Variants in NDUFB10 observed in about 807,000 individuals in gnomAD.
NDUFB10 encodes NADH dehydrogenase [ubiquinone] 1 beta subcomplex subunit 10.
Under a neutral mutation model 19.0 loss-of-function variants are expected in NDUFB10, and 23 were observed. The observed-to-expected ratio is 1.21, with a 90% CI of 0.87 to 1.71. NDUFB10 has a LOEUF of 1.71. NDUFB10 is among the 40% of genes most tolerant of loss of function. The pLI is 0.00. For synonymous variants in NDUFB10, 104 were observed against 81.8 expected, an observed-to-expected ratio of 1.27 and a Z score of -1.46; for missense variants, 312 against 230.6, an observed-to-expected ratio of 1.35 and a Z score of -2.29.
chr16:1,961,769 T>TC, intron 3 of NDUFB10, 28 bp from the exon 4 acceptor site: 2 of 1,548,012 alleles, frequency 1.3e-6, no homozygotes, highest in South Asian at 2.4e-5. Context: ...AGGCCTCGGT[T>TC]CCCAGCTTGT....
At position 1,961,603 on chromosome 16, in the gene NDUFB10, T is replaced by A. The variant is rs1232141165; in HGVS notation, c.376T>A (p.Phe126Ile). 6.2e-7 allele frequency: 1 copy of A among 1,613,730 alleles called. No homozygotes were observed. The highest frequency in any genetic ancestry group is 1.3e-5 in the African/African-American group (1 of 74,898). ...QQNCIKEVEQ[F>I]TQVAKAYQDR... ...GAACTGTATCAAGGAAGTGGAGCAG[T>A]TCACCCAGGTGGCCAAGGCCTACCA... The change falls in exon 3 of 4, where the codon TTC becomes ATC. Residue 126 changes from phenylalanine (F) to isoleucine (I), a missense_variant. Coordinates refer to ENST00000268668, the MANE Select transcript of NDUFB10 (RefSeq NM_004548.3).
Position 1,961,156 on chromosome 16 carries a change from T to G in NDUFB10, c.134T>G (p.Phe45Cys), listed in dbSNP as rs1277711577. Residue 45 changes from phenylalanine to cysteine, a missense_variant, in exon 2 of 4, where the codon TTT (phenylalanine) becomes TGT (cysteine). Phe to Cys is a radical substitution (Grantham distance 205, BLOSUM62 -2). Coordinates refer to ENST00000268668, the MANE Select transcript of NDUFB10 (RefSeq NM_004548.3). ...VDRPVTLVRE[F>C]IERQHAKNRY... ...GTCTGTGGCTTTGTCTTTGCAGAATTTATAGAGCGGCAGCACGCAAAGAAC... is the reference window on the plus strand; with the variant it reads ...GTCTGTGGCTTTGTCTTTGCAGAATGTATAGAGCGGCAGCACGCAAAGAAC... 3.7e-6 allele frequency: 6 copies of G among 1,613,894 alleles called. No homozygotes were observed. The highest frequency in any genetic ancestry group is 5.1e-6 in the Non-Finnish European group (6 of 1,179,912).
chr16:1,960,972 T>TA (rs2083249877), intron 1 of NDUFB10, among the ~76,000 whole-genome samples, 181 bp from the exon 2 acceptor site: 1 of 152,226 alleles, frequency 6.6e-6, no homozygotes, highest in South Asian at 2.1e-4. Context: ...AGCTGTAGCC[T>TA]AGGCCTTCAC....
rs11382929 is a variant in NDUFB10, at chr16:1,959,861, G to GCC, written c.130+112_130+113dup. On this transcript the variant is annotated intron_variant, in intron 1 of 3. Transcript: ENST00000268668. ...TCCGGGGTCCCGTCTGCCTGAGACC[G>GCC]CCCCCCGCTGCACCCCGGGGACAAC... 11 of 1,446,980 alleles carry GCC rather than the reference G, an allele frequency of 7.6e-6. No homozygotes were observed. In the African/African-American group the frequency reaches 8.5e-5, roughly 11 times the overall value. 89.6% of individuals were successfully genotyped at this position (1,446,980 alleles called of 1,614,324 possible). A position where few individuals can be genotyped will look rare whatever the true frequency, so the allele number is the denominator to read the frequency against.
rs57356094 is a variant in NDUFB10 at position 1,960,225 on chromosome 16, G to GTT, written c.130+481_130+482dup. On this transcript the variant is annotated intron_variant, in intron 1 of 3. Transcript: ENST00000268668. ...GAAAATGCCCAGTTCAGTTTTTGTT[G>GTT]TTTTTTTTTTTCCTGAGACAGTCTC... Among the ~76,000 whole-genome samples, 419 of 146,626 alleles carry GTT rather than the reference G, an allele frequency of 2.9e-3. 1 individual carries two copies. The highest frequency in any genetic ancestry group is 3.5e-3 in the Middle Eastern group (1 of 286).
rs377764299 is a variant in NDUFB10 at position 1,961,596 on chromosome 16, G to A, written c.369G>A (p.Val123=). 2.6e-5 allele frequency: 42 copies of A among 1,613,982 alleles called. No individual in the cohort carries two copies. In the East Asian group the frequency reaches 3.3e-4, roughly 13 times the overall value. ...ACCAGCAGAACTGTATCAAGGAAGT[G>A]GAGCAGTTCACCCAGGTGGCCAAGG... ...QNYQQNCIKE[V]EQFTQVAKAY... is the part of the protein sequence containing the mutation. The change falls in exon 3 of 4, where the codon GTG becomes GTA. Residue 123 remains valine, a synonymous_variant. Transcript: ENST00000268668.
rs144054576 is a variant in NDUFB10 at position 1,961,219 on chromosome 16, C to G, written c.197C>G (p.Pro66Arg). Reference protein sequence around the residue: ...YYYHRQYRRVPDITECKEEDI... With the variant: ...YYYHRQYRRVRDITECKEEDI... ...TACCACCGGCAGTACCGCCGCGTGC[C>G]AGACATCACTGAGTGCAAGGAGGAG... The change falls in exon 2 of 4, where the codon CCA becomes CGA. Residue 66 changes from proline to arginine, a missense_variant. Coordinates refer to ENST00000268668, the MANE Select transcript of NDUFB10 (RefSeq NM_004548.3). The G allele has an allele frequency of 1.0e-4, 166 of 1,614,126 alleles. No homozygotes were observed. The African/African-American group carries it at 2.0e-3, about 19-fold the overall frequency.
rs534213425 is a variant in NDUFB10 at position 1,961,888 on chromosome 16, C to T, written c.501C>T (p.Ala167=). 5.4e-5 allele frequency: 85 copies of T among 1,562,034 alleles called. No individual in the cohort carries two copies. Among genetic ancestry groups the T allele is most frequent in the East Asian group, 1.9e-4 (8 of 42,226 alleles). The change falls in exon 4 of 4, where the codon GCC becomes GCT. Residue 167 remains alanine, a synonymous_variant. Transcript: ENST00000268668. Reference sequence around the variant, plus strand: ...AAGAGAGAAAAGCTGCAAAAGAGGCCGCCGCTGCCACCTCCTGAGGCAGCT... The same window carrying T: ...AAGAGAGAAAAGCTGCAAAAGAGGCTGCCGCTGCCACCTCCTGAGGCAGCT... The part of the protein sequence containing the change: ...MLQERKAAKE[A]AAATS
At position 1,961,845 on chromosome 16, in the gene NDUFB10, A is replaced by G; in HGVS notation, c.458A>G (p.Gln153Arg). 6.4e-7 allele frequency: 1 copy of G among 1,564,654 alleles called. No homozygotes were observed. Among genetic ancestry groups the G allele is most frequent in the South Asian group, 1.2e-5 (1 of 85,086 alleles). The change falls in exon 4 of 4, where the codon CAG (glutamine) becomes CGG (arginine). Residue 153 changes from glutamine to arginine, a missense_variant. Physicochemically the swap from Gln to Arg is conservative, Grantham distance 43 (BLOSUM62 1). Coordinates refer to ENST00000268668, the MANE Select transcript of NDUFB10 (RefSeq NM_004548.3). ...YSSARKCLAK[Q>R]RQRMLQERKA... The stretch of plus-strand genomic sequence containing the variant: ...TCTGCCAGGAAGTGCCTGGCCAAAC[A>G]GAGGCAGAGGATGCTGCAAGAGAGA...
intron 1 of NDUFB10, 136 bp from the exon 2 acceptor site, chr16:1,961,017 C>A (rs138647351): frequency 1.8e-6 from 2 of 1,097,366 alleles, no homozygotes; most frequent in Non-Finnish European, 2.6e-6. Context: ...CTTAGAGAGA[C>A]GAATTGCTGT....
At chr16:1,960,614 C>G (rs74391990) in intron 1 of NDUFB10, among the ~76,000 whole-genome samples, 7,162 of 152,318 alleles carry the variant, frequency 0.047, 318 homozygotes, top group African/African-American at 0.11. Context: ...CCCCAAAGAT[C>G]TGGAAACCGT....
In NDUFB10 at chr16:1,961,028, T is replaced by G; in HGVS notation, c.131-125T>G. On this transcript the variant is annotated intron_variant, in intron 1 of 3. Coordinates refer to ENST00000268668, the MANE Select transcript of NDUFB10 (RefSeq NM_004548.3). ...ATCCCTTAGAGAGACGAATTGCTGTTTTCTAAACGCTGGAACACTCAGGAA... is the reference window on the plus strand; with the variant it reads ...ATCCCTTAGAGAGACGAATTGCTGTGTTCTAAACGCTGGAACACTCAGGAA... 2.4e-6 allele frequency: 3 copies of G among 1,238,416 alleles called. No individual in the cohort carries two copies. The South Asian group carries it at 4.5e-5, about 19-fold the overall frequency. 76.7% of individuals were successfully genotyped at this position (1,238,416 alleles called of 1,614,324 possible).
chr16:1,960,744 G>C (rs570090643), intron 1 of NDUFB10, among the ~76,000 whole-genome samples: 1 of 152,296 alleles, frequency 6.6e-6, no homozygotes, highest in South Asian at 2.1e-4. Flanking sequence ...AGCTGAGGCC[G>C]TAAGGTGGTA....
intron 1 of NDUFB10, 115 bp downstream of exon 1, chr16:1,959,869 C>G (rs338789): frequency 0.16 from 223,702 of 1,418,940 alleles, 19,581 homozygotes; most frequent in South Asian, 0.29. Flanking sequence ...CCGCCCCCCG[C>G]TGCACCCCGG....
At chr16:1,961,421 TG>T in intron 2 of NDUFB10, 75 bp from the exon 3 acceptor site, 1 of 1,595,236 alleles carries the variant, frequency 6.3e-7, no homozygotes, top group Non-Finnish European at 8.6e-7. Flanking sequence ...CCAGGGCTCT[TG>T]CTTTCAATTG....
intron 1 of NDUFB10, among the ~76,000 whole-genome samples, chr16:1,960,778 T>C (rs763962170): frequency 5.4e-4 from 82 of 152,196 alleles, no homozygotes; most frequent in East Asian, 9.6e-4. Flanking sequence ...GGAGGCTCCC[T>C]GTTGGAGCCT....
chr16:1,960,805 G>C (rs1415973245), intron 1 of NDUFB10, among the ~76,000 whole-genome samples: 2 of 152,242 alleles, frequency 1.3e-5, no homozygotes, highest in Non-Finnish European at 2.9e-5. Flanking sequence ...GCACCCAGCA[G>C]GGTCCCTGTG....
Position 1,961,652 on chromosome 16 carries a change from A to G in NDUFB10, c.409+16A>G. 1.9e-6 allele frequency: 1 copy of G among 520,486 alleles called. No homozygotes were observed. The highest frequency in any genetic ancestry group is 3.0e-6 in the Non-Finnish European group (1 of 338,048). 32.2% of individuals were successfully genotyped at this position (520,486 alleles called of 1,614,324 possible). A position where few individuals can be genotyped will look rare whatever the true frequency, so the allele number is the denominator to read the frequency against. On this transcript the variant is annotated intron_variant, in intron 3 of 3. Coordinates refer to ENST00000268668, the MANE Select transcript of NDUFB10 (RefSeq NM_004548.3). ...CAGGACCGCTGTGCGTGCCCCACCCACCCCCAACCCCCCACCATCCTCCTG... is the reference window on the plus strand; with the variant it reads ...CAGGACCGCTGTGCGTGCCCCACCCGCCCCCAACCCCCCACCATCCTCCTG...
chr16:1,961,193 C>T lies in NDUFB10; in HGVS notation c.171C>T (p.Tyr57=), dbSNP rs777758498. Residue 57 remains tyrosine, a synonymous_variant, in exon 2 of 4, where the codon TAC becomes TAT. Transcript: ENST00000268668. The part of the protein sequence containing the change: ...ERQHAKNRYY[Y]YHRQYRRVPD... The stretch of plus-strand genomic sequence containing the variant: ...AGCACGCAAAGAACAGGTATTACTA[C>T]TACCACCGGCAGTACCGCCGCGTGC... The T allele has an allele frequency of 3.1e-6, 5 of 1,614,042 alleles. No individual in the cohort carries two copies. Among genetic ancestry groups the T allele is most frequent in the African/African-American group, 1.3e-5 (1 of 74,952 alleles).
Sources: allele counts gnomAD v4.1 joint callset (sites outside exome capture counted in the v4.1 genomes callset), GRCh38; gene constraint gnomAD v4.1.1; transcripts MANE v1.5; gene names NCBI Gene and HGNC (gene_info 2026-07-23, HGNC 2026-07-21).